NHLRC2: variants seen among roughly 807,000 people sequenced by gnomAD.
The protein encoded by NHLRC2 is NHL repeat containing 2.
NHLRC2 carries 33 observed loss-of-function variants against 68.1 expected under a neutral mutation model. The ratio of observed to expected loss-of-function variants is 0.48; its 90% CI spans 0.37 to 0.65. The LOEUF is 0.65. Among genes scored for constraint, NHLRC2 ranks in the 30% least tolerant of loss-of-function variants. The pLI is 0.00. For synonymous variants in NHLRC2, 311 were observed against 309.6 expected (o/e 1.00, Z -0.05); for missense variants, 761 against 853.8 (o/e 0.89, Z 1.35).
At chr10:113,866,947 T>G (rs984283909) in intron 2 of NHLRC2, among the ~76,000 whole-genome samples, 4 of 152,084 alleles carry the variant, frequency 2.6e-5, no homozygotes, top group African/African-American at 9.7e-5. Flanking sequence ...CAACCCAAGG[T>G]GCTCTTAATT....
chr10:113,907,628 T>C (rs1846288784), intron 10 of NHLRC2, among the ~76,000 whole-genome samples: 1 of 152,226 alleles, frequency 6.6e-6, no homozygotes, highest in African/African-American at 2.4e-5. Flanking sequence ...ATTTTTGTTA[T>C]AGATAGTCTG....
Position 113,863,174 on chromosome 10 carries a change from A to G in NHLRC2, c.331+4494A>G, listed in dbSNP as rs1845832686. Reference sequence around the variant, plus strand: ...CAACAAGATAACACTACCCAACAACAACAGGATTGCGTATGGGACATTTTC... The same window carrying G: ...CAACAAGATAACACTACCCAACAACGACAGGATTGCGTATGGGACATTTTC... On this transcript the variant is annotated intron_variant, in intron 2 of 10. Transcript: ENST00000369301. Among the ~76,000 whole-genome samples, 2 of 152,186 alleles carry G rather than the reference A, an allele frequency of 1.3e-5. 1 individual carries two copies. The highest frequency in any genetic ancestry group is 4.1e-4 in the South Asian group (2 of 4,832).
At chr10:113,900,453 TA>T (rs1846217733) in intron 6 of NHLRC2, among the ~76,000 whole-genome samples, 1 of 152,198 alleles carries the variant, frequency 6.6e-6, no homozygotes, top group Non-Finnish European at 1.5e-5. Context: ...AATTTCCTCA[TA>T]AGTAGAGTTG....
At chr10:113,871,790 A>G (rs1845928525) in intron 2 of NHLRC2, among the ~76,000 whole-genome samples, 1 of 152,172 alleles carries the variant, frequency 6.6e-6, no homozygotes, top group Non-Finnish European at 1.5e-5. Flanking sequence ...GTTCCAAACA[A>G]TAAAAAAGGG....
chr10:113,873,198 A>G (rs1433423487), intron 2 of NHLRC2, among the ~76,000 whole-genome samples: 1 of 152,226 alleles, frequency 6.6e-6, no homozygotes, highest in Non-Finnish European at 1.5e-5. Context: ...TCAAGAATCA[A>G]TCAAGGTTAA....
rs746068896 is a variant in NHLRC2 at position 113,905,006 on chromosome 10, G to A, written c.1894G>A (p.Val632Ile). The A allele has an allele frequency of 6.5e-7, 1 of 1,532,436 alleles. No individual in the cohort carries two copies. Among genetic ancestry groups the A allele is most frequent in the Non-Finnish European group, 8.7e-7 (1 of 1,143,090 alleles). The allele number at this position is 1,532,436 out of a possible 1,614,324, so 94.9% of individuals were successfully genotyped here. A position where few individuals can be genotyped will look rare whatever the true frequency, so the allele number is the denominator to read the frequency against. ...LPSGSKLTEG[V>I]SSCWFLTAEG... ...ATCAGGATCAAAGCTAACTGAAGGA[G>A]TATCCAGTTGCTGGTTTCTAACAGC... Residue 632 changes from valine to isoleucine, a missense_variant, in exon 10 of 11, where the codon GTA (valine) becomes ATA (isoleucine). Transcript: ENST00000369301.
At chr10:113,874,822 T>G (rs768753227) in intron 2 of NHLRC2, among the ~76,000 whole-genome samples, 1 of 152,144 alleles carries the variant, frequency 6.6e-6, no homozygotes, top group Non-Finnish European at 1.5e-5. Flanking sequence ...AACCTTTTCT[T>G]TGTCATGTCC....
intron 10 of NHLRC2, among the ~76,000 whole-genome samples, chr10:113,906,337 C>T (rs556864315): frequency 1.3e-5 from 2 of 152,014 alleles, no homozygotes; most frequent in East Asian, 3.9e-4. Flanking sequence ...AAGATATGGG[C>T]CCCATTTTTA....
At chr10:113,895,579 T>C (rs933347177) in intron 5 of NHLRC2, among the ~76,000 whole-genome samples, 3 of 152,050 alleles carry the variant, frequency 2.0e-5, no homozygotes, top group African/African-American at 4.8e-5. Flanking sequence ...CACTAAGGTA[T>C]AGAAGTTGAA....
At chr10:113,856,912 A>G (rs75319620) in intron 1 of NHLRC2, among the ~76,000 whole-genome samples, 1 of 152,296 alleles carries the variant, frequency 6.6e-6, no homozygotes, top group East Asian at 1.9e-4. Context: ...GTGCAGTGTA[A>G]TGGATAGATT....
intron 2 of NHLRC2, among the ~76,000 whole-genome samples, chr10:113,875,341 C>T (rs1441717045): frequency 6.6e-6 from 1 of 152,142 alleles, no homozygotes; most frequent in Non-Finnish European, 1.5e-5. Flanking sequence ...GTTCCCTGTA[C>T]TGTAGTTTAG....
chr10:113,901,789 T>A lies in NHLRC2; in HGVS notation c.1263T>A (p.Asp421Glu). ...CAGGCCTTTCCTTGGCCTCTGAAGA[T>A]CCCTGGAGCTGCTTGTTTGTAGCAG... Reference protein sequence around the residue: ...QPSGLSLASEDPWSCLFVADS... With the variant: ...QPSGLSLASEEPWSCLFVADS... The change falls in exon 7 of 11, where the codon GAT (aspartate) becomes GAA (glutamate). Residue 421 changes from aspartate (D) to glutamate (E), a missense_variant. Asp to Glu is a conservative substitution (Grantham distance 45). Coordinates refer to ENST00000369301, the MANE Select transcript of NHLRC2 (RefSeq NM_198514.4). The A allele has an allele frequency of 6.2e-7, 1 of 1,614,124 alleles. No individual in the cohort carries two copies. The highest frequency in any genetic ancestry group is 1.1e-5 in the South Asian group (1 of 91,076).
At chr10:113,900,156 C>A (rs1232833110) in intron 6 of NHLRC2, among the ~76,000 whole-genome samples, 1 of 152,014 alleles carries the variant, frequency 6.6e-6, no homozygotes, top group Non-Finnish European at 1.5e-5. Flanking sequence ...ATTCTACAAG[C>A]CTTTTTAGAA....
intron 6 of NHLRC2, among the ~76,000 whole-genome samples, chr10:113,898,567 A>G (rs936705921): frequency 6.6e-6 from 1 of 152,192 alleles, no homozygotes; most frequent in African/African-American, 2.4e-5. Context: ...CAGCCAGAGT[A>G]AGTCTTAGGG....
In NHLRC2 at chr10:113,903,716, G is replaced by A. The variant is rs74157540; in HGVS notation, c.1684G>A (p.Glu562Lys). Reference sequence around the variant, plus strand: ...TCATCAAATTAAAGTGATGGATTTAGAAACTAAAATGGTATCTGTGGTAAG... The same window carrying A: ...TCATCAAATTAAAGTGATGGATTTAAAAACTAAAATGGTATCTGTGGTAAG... ...NNHQIKVMDL[E>K]TKMVSVLPIF... The change falls in exon 9 of 11, where the codon GAA becomes AAA. Residue 562 changes from glutamate to lysine, a missense_variant. Glu to Lys is a moderately conservative substitution (Grantham distance 56). Coordinates refer to ENST00000369301, the MANE Select transcript of NHLRC2 (RefSeq NM_198514.4). 9,585 of 1,560,902 alleles carry A rather than the reference G, an allele frequency of 6.1e-3. 467 individuals are homozygous for A. In the African/African-American group the frequency reaches 0.11, roughly 18 times the overall value.
rs80068222 is a variant in NHLRC2, at chr10:113,895,340, A to G, written c.1040-2770A>G. Among the ~76,000 whole-genome samples the G allele has an allele frequency of 3.5e-3, 533 of 152,354 alleles. 3 individuals carry two copies. The highest frequency in any genetic ancestry group is 0.012 in the African/African-American group (501 of 41,596). On this transcript the variant is annotated intron_variant, in intron 5 of 10. Coordinates refer to ENST00000369301, the MANE Select transcript of NHLRC2 (RefSeq NM_198514.4). The stretch of plus-strand genomic sequence containing the variant: ...TGCTAATAAAACTGTGAATAAAACA[A>G]AGCTGCTGGCCTCTTAGACCTTATG...
intron 1 of NHLRC2, among the ~76,000 whole-genome samples, chr10:113,855,671 G>GTTTT (rs1845745635): frequency 6.8e-6 from 1 of 147,426 alleles, no homozygotes; most frequent in African/African-American, 2.6e-5. Flanking sequence ...TGTTTTGTTT[G>GTTTT]TATTTTTAGT....
At chr10:113,907,632 T>C (rs546262381) in intron 10 of NHLRC2, among the ~76,000 whole-genome samples, 47 of 152,320 alleles carry the variant, frequency 3.1e-4, no homozygotes, top group African/African-American at 1.0e-3. Flanking sequence ...TTGTTATAGA[T>C]AGTCTGTTTA....
intron 6 of NHLRC2, among the ~76,000 whole-genome samples, chr10:113,900,104 C>G (rs1846215055): frequency 6.6e-6 from 1 of 152,100 alleles, no homozygotes; most frequent in Admixed American, 6.6e-5. Flanking sequence ...CAGTAGAAGC[C>G]AGATCACACT....
Sources: gnomAD v4.1 joint callset for allele counts (sites outside exome capture counted in the v4.1 genomes callset) on GRCh38, gnomAD v4.1.1 for gene constraint, MANE v1.5 for transcripts, NCBI Gene and HGNC (gene_info 2026-07-23, HGNC 2026-07-21) for gene names.